Variants in ZFPM2 observed in about 807,000 individuals in gnomAD.
The protein encoded by ZFPM2 is zinc finger protein ZFPM2.
ZFPM2 carries 20 observed loss-of-function variants against 98.6 expected under a neutral mutation model. The observed-to-expected ratio is 0.20, with a 90% CI of 0.14 to 0.29. The LOEUF (loss-of-function observed/expected upper bound fraction) is 0.29, where lower values mean the gene tolerates loss of function less well. ZFPM2 is among the 10% of genes least tolerant of loss of function. The pLI, the probability that ZFPM2 is intolerant of heterozygous loss-of-function variation, is 1.00. For missense variants in ZFPM2, 1,310 were observed against 1,388.6 expected (o/e 0.94, Z 0.90); for synonymous variants, 518 against 502.7 (o/e 1.03, Z -0.41).
At chr8:105,629,406 A>G (rs1816717228) in intron 4 of ZFPM2, among the ~76,000 whole-genome samples, 1 of 152,246 alleles carries the variant, frequency 6.6e-6, no homozygotes, top group Non-Finnish European at 1.5e-5. Flanking sequence ...GCTATTTCAC[A>G]CTTTTGAGCA....
At chr8:105,760,686 A>G (rs1286770584) in intron 5 of ZFPM2, among the ~76,000 whole-genome samples, 6 of 152,074 alleles carry the variant, frequency 3.9e-5, no homozygotes, top group Non-Finnish European at 7.4e-5. Flanking sequence ...GGATAGAATT[A>G]TAAGAAGATA....
At chr8:105,709,891 C>A (rs1313153519) in intron 5 of ZFPM2, among the ~76,000 whole-genome samples, 1 of 152,102 alleles carries the variant, frequency 6.6e-6, no homozygotes, top group Non-Finnish European at 1.5e-5. Flanking sequence ...GAGGGGTTTG[C>A]AAACCTTGGC....
Position 105,476,204 on chromosome 8 carries a change from CAG to C in ZFPM2, c.301+31824_301+31825del, listed in dbSNP as rs1399227887. ...ATTACTCTCCCGTAGTCCACTGGAACAGGGGTCCCCAACCCCTAGGCCCCAGA... is the reference window on the plus strand; with the variant it reads ...ATTACTCTCCCGTAGTCCACTGGAACGGGTCCCCAACCCCTAGGCCCCAGA... On this transcript the variant is annotated intron_variant, in intron 3 of 7. Transcript: ENST00000407775. Among the ~76,000 whole-genome samples the C allele has an allele frequency of 3.3e-5, 5 of 152,206 alleles. No homozygotes were observed. The East Asian group carries it at 9.7e-4, about 29-fold the overall frequency.
In ZFPM2 at chr8:105,494,183, GTATATATATATATATATATATATATATA is replaced by G. The variant is rs61035457; in HGVS notation, c.301+49819_301+49846del. ...GCTCACATTTAAGCTGCCACCAAAA[GTATATATATATATATATATATATATATA>G]TATATATATATATATAATCTCAAAC... On this transcript the variant is annotated intron_variant, in intron 3 of 7. Coordinates refer to ENST00000407775, the MANE Select transcript of ZFPM2 (RefSeq NM_012082.4). 2.2e-3 allele frequency among the ~76,000 whole-genome samples: 131 copies of G among 60,006 alleles called. 7 individuals carry two copies. The highest frequency in any genetic ancestry group is 5.6e-3 in the African/African-American group (109 of 19,484). 39.4% of individuals were successfully genotyped at this position (60,006 alleles called of 152,430 possible).
chr8:105,715,433 G>A (rs528452571), intron 5 of ZFPM2, among the ~76,000 whole-genome samples: 10 of 147,212 alleles, frequency 6.8e-5, no homozygotes, highest in African/African-American at 1.2e-4. Context: ...AAAGAGAGAC[G>A]TAGGCAAAAG....
intron 4 of ZFPM2, among the ~76,000 whole-genome samples, chr8:105,596,894 A>C (rs1370773387): frequency 6.6e-6 from 1 of 151,702 alleles, no homozygotes; most frequent in African/African-American, 2.4e-5. Context: ...CCAGGAAAGA[A>C]ACAGACATAC....
intron 3 of ZFPM2, among the ~76,000 whole-genome samples, chr8:105,527,213 T>C (rs1228075055): frequency 1.3e-5 from 2 of 152,134 alleles, no homozygotes; most frequent in African/African-American, 4.8e-5. Flanking sequence ...AGCCACACCA[T>C]CGTTTTGAAA....
At chr8:105,627,012 T>C (rs1816670659) in intron 4 of ZFPM2, among the ~76,000 whole-genome samples, 1 of 152,184 alleles carries the variant, frequency 6.6e-6, no homozygotes, top group Non-Finnish European at 1.5e-5. Flanking sequence ...TTTCTAACCC[T>C]CCTTTTGGAA....
chr8:105,382,638 G>A (rs1163547001), intron 1 of ZFPM2, among the ~76,000 whole-genome samples: 1 of 152,044 alleles, frequency 6.6e-6, no homozygotes, highest in Non-Finnish European at 1.5e-5. Flanking sequence ...TCTAGAATGG[G>A]GGAAGAAAGT....
chr8:105,425,857 T>C (rs1429742675), intron 2 of ZFPM2, among the ~76,000 whole-genome samples: 1 of 152,238 alleles, frequency 6.6e-6, no homozygotes, highest in Non-Finnish European at 1.5e-5. Flanking sequence ...TTTTTTTAAC[T>C]GTATCTTTAT....
At chr8:105,405,402 A>G (rs527244887) in intron 1 of ZFPM2, among the ~76,000 whole-genome samples, 75 of 151,292 alleles carry the variant, frequency 5.0e-4, no homozygotes, top group Non-Finnish European at 8.4e-4. Flanking sequence ...TTAGCATTAG[A>G]TGTATCTCCT....
chr8:105,670,576 G>GT (rs1007891493), intron 5 of ZFPM2, among the ~76,000 whole-genome samples: 5 of 144,710 alleles, frequency 3.5e-5, no homozygotes, highest in African/African-American at 1.0e-4. Context: ...CTTCATCCTT[G>GT]TCAATCCACC....
At chr8:105,417,720 T>C (rs902201181) in intron 1 of ZFPM2, among the ~76,000 whole-genome samples, 23 of 152,304 alleles carry the variant, frequency 1.5e-4, no homozygotes, top group African/African-American at 5.5e-4. Flanking sequence ...AAATCTAATA[T>C]GAGATGCATG....
intron 5 of ZFPM2, among the ~76,000 whole-genome samples, chr8:105,640,426 A>G (rs1020048929): frequency 1.2e-4 from 18 of 152,086 alleles, no homozygotes; most frequent in African/African-American, 4.1e-4. Context: ...CAAATCATGT[A>G]GACGGCTGCA....
chr8:105,799,870 G>A (rs1813949374), intron 7 of ZFPM2, among the ~76,000 whole-genome samples: 1 of 152,134 alleles, frequency 6.6e-6, no homozygotes, highest in African/African-American at 2.4e-5. Context: ...TGAGTTTTAA[G>A]CTACTGTTCT....
chr8:105,683,148 C>G (rs1157182505), intron 5 of ZFPM2, among the ~76,000 whole-genome samples: 1 of 151,920 alleles, frequency 6.6e-6, no homozygotes, highest in African/African-American at 2.4e-5. Context: ...AAGGCCCTAC[C>G]TCCTAATACT....
chr8:105,533,962 C>T (rs1814364902), intron 3 of ZFPM2, among the ~76,000 whole-genome samples: 1 of 23,430 alleles, frequency 4.3e-5, no homozygotes, highest in Non-Finnish European at 7.5e-5. Flanking sequence ...CTTCCTCCCT[C>T]CCTCCCTCTC....
At chr8:105,551,937 A>C (rs146099263) in intron 3 of ZFPM2, among the ~76,000 whole-genome samples, 1 of 113,886 alleles carries the variant, frequency 8.8e-6, no homozygotes, top group Admixed American at 8.6e-5. Flanking sequence ...AAATATCAGC[A>C]ATGACTTGTG....
At chr8:105,743,915 G>T (rs890353590) in intron 5 of ZFPM2, among the ~76,000 whole-genome samples, 5 of 151,904 alleles carry the variant, frequency 3.3e-5, no homozygotes, top group Admixed American at 6.6e-5. Flanking sequence ...AGTTCAAATT[G>T]TATTTTTCTG....
Sources: gnomAD v4.1 joint callset for allele counts (sites outside exome capture counted in the v4.1 genomes callset) on GRCh38, gnomAD v4.1.1 for gene constraint, MANE v1.5 for transcripts, NCBI Gene and HGNC (gene_info 2026-07-23, HGNC 2026-07-21) for gene names.